The following TCF4 variants were observed in gnomAD, a reference collection of about 807,000 sequenced individuals.
TCF4 encodes transcription factor 4.
A neutral mutation model predicts 82.1 loss-of-function variants in TCF4; 3 were observed. The observed-to-expected ratio is 0.04, with a 90% confidence interval of 0.02 to 0.09. The LOEUF (loss-of-function observed/expected upper bound fraction) is 0.09. Ranked by LOEUF, TCF4 falls within the 10% of genes least tolerant of loss-of-function variation. TCF4 has a pLI of 1.00. For missense variants in TCF4, 518 were observed against 852.7 expected (o/e 0.61, Z 4.89); for synonymous variants, 276 against 309.6 (o/e 0.89, Z 1.14).
intron 2 of TCF4, chr18:55,585,871 TCTCTCA>T (rs1185756985): frequency 3.9e-5 from 46 of 1,184,172 alleles, no homozygotes; most frequent in Admixed American, 1.3e-4. Context: ...ACTCTCTCTC[TCTCTCA>T]CTCTCACTCT....
chr18:55,513,889 C>T (rs1459597246), intron 3 of TCF4, among the ~76,000 whole-genome samples: 1 of 152,186 alleles, frequency 6.6e-6, no homozygotes, highest in Non-Finnish European at 1.5e-5. Context: ...TGAGGCCAGA[C>T]AGCCAGCATA....
At chr18:55,520,009 C>A (rs2096920086) in intron 3 of TCF4, among the ~76,000 whole-genome samples, 1 of 152,122 alleles carries the variant, frequency 6.6e-6, no homozygotes, top group African/African-American at 2.4e-5. Context: ...CTTCCCATCC[C>A]CTGAAGACCT....
chr18:55,236,140 A>G (rs2049316470), intron 15 of TCF4, among the ~76,000 whole-genome samples: 1 of 152,108 alleles, frequency 6.6e-6, no homozygotes, highest in Non-Finnish European at 1.5e-5. Context: ...ATGATCACAT[A>G]AATCATATTA....
At chr18:55,238,453 G>A (rs2050205573) in intron 15 of TCF4, among the ~76,000 whole-genome samples, 1 of 152,114 alleles carries the variant, frequency 6.6e-6, no homozygotes, top group Admixed American at 6.5e-5. Flanking sequence ...GAGACACTGG[G>A]GATAGAATGA....
intron 3 of TCF4, chr18:55,547,037 A>C (rs1206454967): frequency 1.3e-5 from 2 of 152,266 alleles, no homozygotes; most frequent in African/African-American, 4.8e-5. Flanking sequence ...CATTCTCCAA[A>C]GTTCCGCGCC....
chr18:55,366,803 C>T (rs1157059411), intron 6 of TCF4, among the ~76,000 whole-genome samples: 1 of 152,118 alleles, frequency 6.6e-6, no homozygotes, highest in Non-Finnish European at 1.5e-5. Flanking sequence ...TTTTTCATTG[C>T]TGGTGAGCAT....
intron 2 of TCF4, among the ~76,000 whole-genome samples, chr18:55,594,703 C>T (rs914960034): frequency 2.6e-5 from 4 of 152,328 alleles, no homozygotes; most frequent in African/African-American, 9.6e-5. Flanking sequence ...TTTACCAAGC[C>T]ATGGGGACAG....
chr18:55,368,633 G>A (rs1603389251), intron 6 of TCF4, among the ~76,000 whole-genome samples: 2 of 152,216 alleles, frequency 1.3e-5, no homozygotes, highest in Admixed American at 6.5e-5. Flanking sequence ...CAGCTTACAG[G>A]AAGTATGGAG....
chr18:55,344,722 G>A (rs111594732), intron 8 of TCF4, among the ~76,000 whole-genome samples: 26 of 152,192 alleles, frequency 1.7e-4, no homozygotes, highest in African/African-American at 5.3e-4. Context: ...AGATACATCA[G>A]GCACCACTCC....
intron 15 of TCF4, among the ~76,000 whole-genome samples, chr18:55,235,125 T>G (rs2049000062): frequency 6.6e-6 from 1 of 152,040 alleles, no homozygotes; most frequent in Non-Finnish European, 1.5e-5. Context: ...GGGGATAAGA[T>G]TCTCAGGCCT....
intron 2 of TCF4, among the ~76,000 whole-genome samples, chr18:55,607,032 C>T (rs1202687088): frequency 3.3e-5 from 5 of 152,066 alleles, no homozygotes; most frequent in African/African-American, 9.7e-5. Context: ...ACCATATGTT[C>T]GGCAATACCT....
At chr18:55,440,520 A>AT in intron 5 of TCF4, among the ~76,000 whole-genome samples, 1 of 152,162 alleles carries the variant, frequency 6.6e-6, no homozygotes, top group East Asian at 1.9e-4. Context: ...AATTTCATTT[A>AT]TTTTTTAGCA....
intron 3 of TCF4, 28 bp downstream of exon 3, chr18:55,585,252 C>G: frequency 1.2e-6 from 2 of 1,603,548 alleles, no homozygotes; most frequent in Non-Finnish European, 1.7e-6. Context: ...GAACATTTAA[C>G]TTAACACTAA....
At chr18:55,414,273 T>G (rs981715864) in intron 5 of TCF4, among the ~76,000 whole-genome samples, 2 of 152,026 alleles carry the variant, frequency 1.3e-5, no homozygotes, top group African/African-American at 2.4e-5. Context: ...AAAACAAATT[T>G]TAAGGTAACT....
intron 5 of TCF4, among the ~76,000 whole-genome samples, chr18:55,453,982 C>T (rs1264991570): frequency 6.6e-6 from 1 of 152,010 alleles, no homozygotes; most frequent in Non-Finnish European, 1.5e-5. Flanking sequence ...TCCACCTCAG[C>T]CTCCTGAATG....
At chr18:55,557,258 C>T (rs540035355) in intron 3 of TCF4, among the ~76,000 whole-genome samples, 86 of 148,900 alleles carry the variant, frequency 5.8e-4, no homozygotes, top group African/African-American at 2.1e-3. Flanking sequence ...GACACACAGA[C>T]ACACAGACAC....
chr18:55,492,825 C>G (rs2096589961), intron 3 of TCF4, among the ~76,000 whole-genome samples: 1 of 152,198 alleles, frequency 6.6e-6, no homozygotes, highest in African/African-American at 2.4e-5. Context: ...CTCATTCATA[C>G]TATCTGGCTA....
chr18:55,576,199 C>T (rs1274710946), intron 3 of TCF4, among the ~76,000 whole-genome samples: 2 of 151,976 alleles, frequency 1.3e-5, no homozygotes, highest in Non-Finnish European at 2.9e-5. Flanking sequence ...GCAAACATTG[C>T]AAAAGAACCT....
intron 15 of TCF4, among the ~76,000 whole-genome samples, chr18:55,242,750 C>T (rs2051695616): frequency 6.6e-6 from 1 of 152,092 alleles, no homozygotes; most frequent in African/African-American, 2.4e-5. Context: ...GCTGGGATTA[C>T]AGGCGTGCAC....
Sources: allele counts gnomAD v4.1 joint callset (sites outside exome capture counted in the v4.1 genomes callset), GRCh38; gene constraint gnomAD v4.1.1; transcripts MANE v1.5; gene names NCBI Gene and HGNC (gene_info 2026-07-23, HGNC 2026-07-21).